The following CDC42BPG variants were observed in gnomAD, a reference collection of about 807,000 sequenced individuals.
The protein encoded by CDC42BPG is CDC42 binding protein kinase gamma, also known as serine/threonine-protein kinase MRCK gamma.
CDC42BPG carries 157 observed loss-of-function variants against 192.2 expected under a neutral mutation model. That is an observed-to-expected ratio of 0.82 (90% CI 0.72 to 0.93). The LOEUF (loss-of-function observed/expected upper bound fraction) is 0.93, where lower values mean the gene tolerates loss of function less well. CDC42BPG is among the 40% of genes least tolerant of loss of function. The pLI is 0.00. For synonymous variants in CDC42BPG, 981 were observed against 918.5 expected (o/e 1.07, Z -1.23); for missense variants, 1,992 against 2,122.1 (o/e 0.94, Z 1.20).
At chr11:64,840,435 G>A in intron 4 of CDC42BPG, 118 bp downstream of exon 4, 1 of 1,377,320 alleles carries the variant, frequency 7.3e-7, no homozygotes, top group Non-Finnish European at 1.0e-6. Flanking sequence ...GAACTGGTGG[G>A]AAGTGGGAGT....
chr11:64,837,100 C>A, intron 9 of CDC42BPG, 81 bp from the exon 10 acceptor site: 1 of 1,233,184 alleles, frequency 8.1e-7, no homozygotes, highest in East Asian at 2.3e-5. Context: ...CCGAATCACT[C>A]ATTAATTGTG....
chr11:64,827,939 G>GAGTT (rs1942511668), intron 30 of CDC42BPG, among the ~76,000 whole-genome samples, 156 bp from the exon 31 acceptor site: 1 of 152,060 alleles, frequency 6.6e-6, no homozygotes, highest in Non-Finnish European at 1.5e-5. Flanking sequence ...TCAAATCAGA[G>GAGTT]ATAACCCTGG....
chr11:64,827,179 G>A lies in CDC42BPG; in HGVS notation c.4272-12C>T, dbSNP rs748092069. 3 of 1,613,706 alleles carry A rather than the reference G, an allele frequency of 1.9e-6. No homozygotes were observed. The highest frequency in any genetic ancestry group is 2.5e-6 in the Non-Finnish European group (3 of 1,179,632). On this transcript the variant is annotated splice_polypyrimidine_tract_variant and intron_variant, in intron 33 of 36. Transcript: ENST00000342711. ...CCTTCAGCATCTCCCTGTGGGCGGA[G>A]GTGTAAGTAGTGGGTGGCGAAGCTC...
At position 64,823,089 on chromosome 11, in the gene CDC42BPG, C is replaced by CT. The variant is rs67018116; in HGVS notation, c.*1383dup. On this transcript the variant is annotated 3_prime_UTR_variant, in exon 37 of 37. Transcript: ENST00000342711. ...GTCTTTATTGGTTTCCTTTTCTTTT[C>CT]TTTTTTTTTTTTTTTGAGACGGAGT... Among the ~76,000 whole-genome samples the CT allele has an allele frequency of 0.47, 65,276 of 137,638 alleles. 17,280 individuals are homozygous for CT. Among genetic ancestry groups the CT allele is most frequent in the Non-Finnish European group, 0.62 (39,496 of 64,122 alleles). The allele number at this position is 137,638 out of a possible 152,430, so 90.3% of individuals were successfully genotyped here. A position where few individuals can be genotyped will look rare whatever the true frequency, so the allele number is the denominator to read the frequency against.
chr11:64,827,930 C>T, intron 30 of CDC42BPG, 147 bp from the exon 31 acceptor site: 1 of 631,880 alleles, frequency 1.6e-6, no homozygotes. Flanking sequence ...GCCTCCACAT[C>T]AAATCAGAGA....
rs552835106 is a variant in CDC42BPG at position 64,838,733 on chromosome 11, G to A, written c.1046C>T (p.Thr349Met). ...GVDWERLASSTAPYIPELRGP... is the reference protein window; with the variant it reads ...GVDWERLASSMAPYIPELRGP... ...CCGCAGCTCAGGAATATAGGGGGCC[G>A]TGCTGCTCGCCAGCCGCTCCCAGTC... The change falls in exon 8 of 37, where the codon ACG becomes ATG. Residue 349 changes from threonine (T) to methionine (M), a missense_variant. Thr to Met is a moderately conservative substitution (Grantham distance 81). Coordinates refer to ENST00000342711, the MANE Select transcript of CDC42BPG (RefSeq NM_017525.3). The A allele has an allele frequency of 1.5e-5, 25 of 1,613,016 alleles. 1 individual carries two copies. Among genetic ancestry groups the A allele is most frequent in the South Asian group, 7.7e-5 (7 of 91,088 alleles).
Position 64,826,537 on chromosome 11 carries a change from G to A in CDC42BPG, c.4532C>T (p.Thr1511Ile), listed in dbSNP as rs1446071081. The A allele has an allele frequency of 6.2e-7, 1 of 1,603,020 alleles. No individual in the cohort carries two copies. Among genetic ancestry groups the A allele is most frequent in the Non-Finnish European group, 8.5e-7 (1 of 1,175,384 alleles). ...GGACACAGACTCGCTGGACAGGGAT[G>A]TCCAGGGTTTCCTCTTCACTGCTCC... is the stretch of plus-strand genomic sequence containing the variant. ...DADPMKRKPW[T>I]SLSSESVSCP... is the part of the protein sequence containing the mutation. Residue 1511 changes from threonine to isoleucine, a missense_variant, in exon 36 of 37, where the codon ACA becomes ATA. By Grantham distance (89) the Thr-to-Ile change is moderately conservative. Coordinates refer to ENST00000342711, the MANE Select transcript of CDC42BPG (RefSeq NM_017525.3).
In CDC42BPG at chr11:64,835,050, C is replaced by G; in HGVS notation, c.2057G>C (p.Ser686Thr). The change falls in exon 17 of 37, where the codon AGC (serine) becomes ACC (threonine). Residue 686 changes from serine to threonine, a missense_variant. This residue lies in a region of CDC42BPG where 1,656 missense variants were observed against 1,844.3 expected (regional missense o/e 0.90). Transcript: ENST00000342711. ...NWEAQLADIL[S>T]WVNDEKVSRG... Reference sequence around the variant, plus strand: ...CCGACCCACCCCTGGCACCCACCAGCTGAGGATGTCGGCGAGCTGGGCCTC... The same window carrying G: ...CCGACCCACCCCTGGCACCCACCAGGTGAGGATGTCGGCGAGCTGGGCCTC... 1.9e-6 allele frequency: 3 copies of G among 1,605,202 alleles called. No homozygotes were observed. Among genetic ancestry groups the G allele is most frequent in the Non-Finnish European group, 2.5e-6 (3 of 1,179,684 alleles).
rs766212616 is a variant in CDC42BPG, at chr11:64,840,280, G to A, written c.433-12C>T. On this transcript the variant is annotated splice_polypyrimidine_tract_variant and intron_variant, in intron 4 of 36. Coordinates refer to ENST00000342711, the MANE Select transcript of CDC42BPG (RefSeq NM_017525.3). ...TCCATCACAAGGTACTGGAGGTGGC[G>A]GACAAGAATCAGACCCGGGGGAAGG... The A allele has an allele frequency of 5.6e-6, 9 of 1,607,566 alleles. No homozygotes were observed. The highest frequency in any genetic ancestry group is 1.3e-5 in the African/African-American group (1 of 74,904).
chr11:64,829,992 C>T lies in CDC42BPG; in HGVS notation c.3446G>A (p.Cys1149Tyr), dbSNP rs1942609734. Residue 1149 changes from cysteine to tyrosine, a missense_variant, in exon 30 of 37, where the codon TGT becomes TAT. Transcript: ENST00000342711. The part of the protein sequence containing the change: ...SPSAGLLVVL[C>Y]GRGPSVRLFA... Reference sequence around the variant, plus strand: ...GAGACGCACGCTGGGGCCGCGGCCACACAGCACGACCAGCAGGCCTGCACT... The same window carrying T: ...GAGACGCACGCTGGGGCCGCGGCCATACAGCACGACCAGCAGGCCTGCACT... The T allele has an allele frequency of 6.2e-7, 1 of 1,612,908 alleles. No individual in the cohort carries two copies. Among genetic ancestry groups the T allele is most frequent in the Non-Finnish European group, 8.5e-7 (1 of 1,179,912 alleles).
intron 1 of CDC42BPG, 136 bp from the exon 2 acceptor site, chr11:64,842,040 G>A: frequency 4.4e-6 from 3 of 688,976 alleles, no homozygotes; most frequent in Middle Eastern, 6.5e-4. Flanking sequence ...CTCGGGCCAA[G>A]GGGTTGTGGC....
rs545528528 is a variant in CDC42BPG, at chr11:64,839,036, G to A, written c.873C>T (p.His291=). ...LVETYGKIMN[H]EDHLQFPPDV... is the part of the protein sequence containing the mutation. ...GCCCAGAGCCTGGTGTCCAGACCTC[G>A]TGGTTCATGATCTTGCCGTAGGTTT... The change falls in exon 7 of 37, where the codon CAC becomes CAT. Residue 291 remains histidine, a synonymous_variant. Transcript: ENST00000342711. 22 of 1,613,594 alleles carry A rather than the reference G, an allele frequency of 1.4e-5. No homozygotes were observed. The South Asian group carries it at 1.9e-4, about 14-fold the overall frequency.
intron 1 of CDC42BPG, among the ~76,000 whole-genome samples, 185 bp downstream of exon 1, chr11:64,844,225 G>A (rs1943405518): frequency 6.6e-6 from 1 of 151,998 alleles, no homozygotes; most frequent in African/African-American, 2.4e-5. Flanking sequence ...GAATTGGAGT[G>A]AGGGTGAGGT....
At position 64,836,979 on chromosome 11, in the gene CDC42BPG, C is replaced by T; in HGVS notation, c.1246G>A (p.Glu416Lys). 6.2e-7 allele frequency: 1 copy of T among 1,613,610 alleles called. No homozygotes were observed. The highest frequency in any genetic ancestry group is 2.2e-5 in the East Asian group (1 of 44,888). The change falls in exon 10 of 37, where the codon GAG (glutamate) becomes AAG (lysine). Residue 416 changes from glutamate to lysine, a missense_variant. Glu to Lys is a moderately conservative substitution (Grantham distance 56, BLOSUM62 1). This residue lies in a region of CDC42BPG where 1,656 missense variants were observed against 1,844.3 expected (regional missense o/e 0.90). Transcript: ENST00000342711. ...TGCTCCAGACACTGGAGCTTCCGCTCCAGGGCAGCCCAAGCCTCAGAGCTG... is the reference window on the plus strand; with the variant it reads ...TGCTCCAGACACTGGAGCTTCCGCTTCAGGGCAGCCCAAGCCTCAGAGCTG... ...ESSSEAWAALERKLQCLEQEK... is the reference protein window; with the variant it reads ...ESSSEAWAALKRKLQCLEQEK...
Position 64,835,535 on chromosome 11 carries a change from G to T in CDC42BPG, c.1845C>A (p.Ala615=). The stretch of plus-strand genomic sequence containing the variant: ...GGGCCTGCTCCAGCTGCTCTCGCAG[G>T]GCGGCCACCTCCTTCCTCAGTTGGG... ...QEAQLRKEVA[A]LREQLEQAHS... Residue 615 remains alanine (A), a synonymous_variant, in exon 15 of 37, where the codon GCC becomes GCA. Coordinates refer to ENST00000342711, the MANE Select transcript of CDC42BPG (RefSeq NM_017525.3). 1 of 1,594,260 alleles carries T rather than the reference G, an allele frequency of 6.3e-7. No individual in the cohort carries two copies.
chr11:64,836,423 T>C lies in CDC42BPG; in HGVS notation c.1488+4A>G, dbSNP rs769830904. ...AGCCCTCACCCACCTCACCCAGCCC[T>C]CACCCGGTGAAGTCGGTCAAGCTCC... is the stretch of plus-strand genomic sequence containing the variant. On this transcript the variant is annotated splice_donor_region_variant and intron_variant, in intron 12 of 36. Coordinates refer to ENST00000342711, the MANE Select transcript of CDC42BPG (RefSeq NM_017525.3). 13 of 1,586,114 alleles carry C rather than the reference T, an allele frequency of 8.2e-6. No homozygotes were observed. The highest frequency in any genetic ancestry group is 1.1e-5 in the Non-Finnish European group (13 of 1,157,252).
chr11:64,834,147 C>T lies in CDC42BPG; in HGVS notation c.2413+119G>A, dbSNP rs935721882. ...TGGTCACAGATGATGGAGTAAGCGGCAGAGTCCAGGAACAGACTCCTGTCT... is the reference window on the plus strand; with the variant it reads ...TGGTCACAGATGATGGAGTAAGCGGTAGAGTCCAGGAACAGACTCCTGTCT... On this transcript the variant is annotated intron_variant, in intron 20 of 36. Coordinates refer to ENST00000342711, the MANE Select transcript of CDC42BPG (RefSeq NM_017525.3). 7.3e-6 allele frequency: 10 copies of T among 1,378,204 alleles called. No homozygotes were observed. The African/African-American group carries it at 1.4e-4, about 20-fold the overall frequency. The allele number at this position is 1,378,204 out of a possible 1,614,324, so 85.4% of individuals were successfully genotyped here.
chr11:64,832,558 C>T (rs775177500), intron 26 of CDC42BPG, 46 bp downstream of exon 26: 6 of 1,613,916 alleles, frequency 3.7e-6, no homozygotes, highest in Non-Finnish European at 4.2e-6. Flanking sequence ...CCTGACTGCC[C>T]CCCTTACCAC....
Position 64,826,793 on chromosome 11 carries a change from G to A in CDC42BPG, c.4391C>T (p.Ala1464Val). 1.3e-6 allele frequency: 2 copies of A among 1,498,160 alleles called. No individual in the cohort carries two copies. Among genetic ancestry groups the A allele is most frequent in the Non-Finnish European group, 1.8e-6 (2 of 1,125,868 alleles). The allele number at this position is 1,498,160 out of a possible 1,614,324, so 92.8% of individuals were successfully genotyped here. Reference sequence around the variant, plus strand: ...GGCAACTCGGCCCTTCTCTTCGGGAGCCTGTTGGGTGACAGTGCGGAGGGG... The same window carrying A: ...GGCAACTCGGCCCTTCTCTTCGGGAACCTGTTGGGTGACAGTGCGGAGGGG... ...GRPGARDKSP[A>V]PEEKGRVARG... Residue 1464 changes from alanine to valine, a missense_variant and splice_region_variant, in exon 35 of 37, where the codon GCT becomes GTT. Physicochemically the swap from Ala to Val is moderately conservative, Grantham distance 64 (BLOSUM62 0). Transcript: ENST00000342711.
Sources: gnomAD v4.1 joint callset for allele counts (sites outside exome capture counted in the v4.1 genomes callset) on GRCh38, gnomAD v4.1.1 for gene constraint, gnomAD v4.1.1 regional missense constraint, MANE v1.5 for transcripts, NCBI Gene and HGNC (gene_info 2026-07-23, HGNC 2026-07-21) for gene names.